The following GPC6 variants were observed in gnomAD, a reference collection of about 807,000 sequenced individuals.
GPC6 encodes the protein glypican-6.
In GPC6, 14 loss-of-function variants were observed where a neutral mutation model predicts 55.2. The observed-to-expected ratio is 0.25, with a 90% confidence interval of 0.17 to 0.40. The LOEUF (loss-of-function observed/expected upper bound fraction) is 0.40, where lower values mean the gene tolerates loss of function less well. Ranked by LOEUF, GPC6 falls within the 10% of genes least tolerant of loss-of-function variation. The pLI is 1.00. For synonymous variants in GPC6, 278 were observed against 259.6 expected (o/e 1.07, Z -0.68); for missense variants, 641 against 708.5 (o/e 0.90, Z 1.08).
intron 2 of GPC6, among the ~76,000 whole-genome samples, chr13:93,598,149 A>ATAATAG (rs1376403324): frequency 5.9e-5 from 9 of 152,066 alleles, no homozygotes; most frequent in African/African-American, 2.2e-4. Flanking sequence ...TCTCAAAATA[A>ATAATAG]TAATAATAAT....
rs373983311 is a variant in GPC6, at chr13:94,313,357, C to T, written c.1152+7234C>T. 3.9e-5 allele frequency among the ~76,000 whole-genome samples: 6 copies of T among 152,344 alleles called. No individual in the cohort carries two copies. The East Asian group carries it at 1.2e-3, about 29-fold the overall frequency. On this transcript the variant is annotated intron_variant, in intron 6 of 8. Coordinates refer to ENST00000377047, the MANE Select transcript of GPC6 (RefSeq NM_005708.5). ...TGCACTGTTGGAAACCTGGATGGAA[C>T]TCCTGCCCTTATGTGGATTTTTCAG...
chr13:93,899,035 A>G (rs1035259885), intron 3 of GPC6, among the ~76,000 whole-genome samples: 3 of 150,408 alleles, frequency 2.0e-5, no homozygotes, highest in Non-Finnish European at 4.4e-5. Flanking sequence ...CCCATCTTCT[A>G]GTTTATCAAC....
intron 2 of GPC6, among the ~76,000 whole-genome samples, chr13:93,690,708 C>A (rs929007861): frequency 1.3e-5 from 2 of 152,158 alleles, no homozygotes; most frequent in African/African-American, 4.8e-5. Flanking sequence ...CTATAAACTT[C>A]TGGTTGCCCA....
At chr13:94,313,796 A>G (rs1476748767) in intron 6 of GPC6, among the ~76,000 whole-genome samples, 3 of 152,236 alleles carry the variant, frequency 2.0e-5, no homozygotes, top group African/African-American at 7.2e-5. Context: ...GAAACACTTA[A>G]GCAAGAGCTT....
At chr13:93,921,179 G>C (rs932948334) in intron 3 of GPC6, among the ~76,000 whole-genome samples, 5 of 152,134 alleles carry the variant, frequency 3.3e-5, no homozygotes, top group Admixed American at 6.5e-5. Flanking sequence ...CTGTGGCAGG[G>C]GTGTGGGTCA....
intron 1 of GPC6, among the ~76,000 whole-genome samples, chr13:93,518,629 C>G (rs926594897): frequency 1.3e-5 from 2 of 151,932 alleles, no homozygotes; most frequent in Non-Finnish European, 2.9e-5. Flanking sequence ...ATAATGCCAG[C>G]AGAGGGAAGA....
rs116398437 is a variant in GPC6, at chr13:94,034,128, T to C, written c.877+6234T>C. Among the ~76,000 whole-genome samples the C allele has an allele frequency of 4.6e-3, 693 of 151,964 alleles. 8 individuals are homozygous for C. Among genetic ancestry groups the C allele is most frequent in the African/African-American group, 0.016 (664 of 41,456 alleles). ...TCTCATTTCTTGTGGGCATTTATCA[T>C]ATGTTGTGTTCTCATGTAATGCTGG... is the stretch of plus-strand genomic sequence containing the variant. On this transcript the variant is annotated intron_variant, in intron 4 of 8. Transcript: ENST00000377047.
intron 2 of GPC6, among the ~76,000 whole-genome samples, chr13:93,801,353 C>T (rs1886361869): frequency 1.3e-5 from 2 of 152,186 alleles, no homozygotes; most frequent in African/African-American, 4.8e-5. Flanking sequence ...CTTTGCTTCT[C>T]AAAAGGTGTA....
chr13:93,364,016 T>G (rs1594120507), intron 1 of GPC6, among the ~76,000 whole-genome samples: 1 of 152,128 alleles, frequency 6.6e-6, no homozygotes, highest in Non-Finnish European at 1.5e-5. Context: ...TTTGAGTTCA[T>G]TGTAGATTCT....
At chr13:94,057,481 G>C (rs1884170729) in intron 4 of GPC6, among the ~76,000 whole-genome samples, 1 of 152,096 alleles carries the variant, frequency 6.6e-6, no homozygotes, top group Admixed American at 6.6e-5. Context: ...CATTTCATTA[G>C]TTTGTTTAAA....
Position 93,663,485 on chromosome 13 carries a change from T to C in GPC6, c.319+118064T>C, listed in dbSNP as rs150087479. ...CTTAATTTTTGTGTTTACAGTCTTATTATATCCCCTTTCTGTCTGAGTAGA... is the reference window on the plus strand; with the variant it reads ...CTTAATTTTTGTGTTTACAGTCTTACTATATCCCCTTTCTGTCTGAGTAGA... On this transcript the variant is annotated intron_variant, in intron 2 of 8. Transcript: ENST00000377047. Among the ~76,000 whole-genome samples the C allele has an allele frequency of 1.4e-4, 21 of 152,338 alleles. No individual in the cohort carries two copies. In the East Asian group the frequency reaches 3.9e-3, roughly 28 times the overall value.
chr13:94,389,391 G>T (rs1481221083), intron 7 of GPC6, among the ~76,000 whole-genome samples: 2 of 152,112 alleles, frequency 1.3e-5, no homozygotes, highest in Non-Finnish European at 1.5e-5. Context: ...ATAGGAGGCA[G>T]GAAAGCATAG....
intron 2 of GPC6, among the ~76,000 whole-genome samples, chr13:93,734,751 G>T (rs1883939150): frequency 1.3e-5 from 2 of 152,024 alleles, no homozygotes; most frequent in African/African-American, 2.4e-5. Context: ...ATAACCAATT[G>T]CCTGATTATT....
intron 1 of GPC6, among the ~76,000 whole-genome samples, chr13:93,273,983 T>G (rs1417522774): frequency 6.6e-6 from 1 of 151,726 alleles, no homozygotes; most frequent in Admixed American, 6.6e-5. Context: ...AATTTTTGTA[T>G]TTTTAGTAGA....
intron 1 of GPC6, among the ~76,000 whole-genome samples, chr13:93,534,456 G>T (rs1339241575): frequency 6.6e-6 from 1 of 152,084 alleles, no homozygotes; most frequent in Non-Finnish European, 1.5e-5. Flanking sequence ...CACTTCTGAG[G>T]GCGGAGAGCT....
intron 5 of GPC6, among the ~76,000 whole-genome samples, chr13:94,304,853 G>A (rs1055889560): frequency 6.6e-6 from 1 of 152,148 alleles, no homozygotes; most frequent in Non-Finnish European, 1.5e-5. Flanking sequence ...AAAATTAGAG[G>A]AAGCTGTTAT....
At chr13:94,106,645 A>G (rs1220401175) in intron 4 of GPC6, among the ~76,000 whole-genome samples, 3 of 152,152 alleles carry the variant, frequency 2.0e-5, no homozygotes, top group East Asian at 3.9e-4. Context: ...AGAGTGCAGA[A>G]AAGAGTTGGA....
intron 3 of GPC6, among the ~76,000 whole-genome samples, chr13:93,868,934 A>T (rs1889048240): frequency 6.6e-6 from 1 of 151,738 alleles, no homozygotes; most frequent in African/African-American, 2.4e-5. Flanking sequence ...GTAGGAGGAG[A>T]GAAGTTCGGA....
At position 94,076,918 on chromosome 13, in the gene GPC6, T is replaced by G. The variant is rs562526718; in HGVS notation, c.877+49024T>G. ...TTTTGAAGTTAGGAAGTGTGATGCC[T>G]CCAGCTTTGTTCTTTTTCCTCAAGA... On this transcript the variant is annotated intron_variant, in intron 4 of 8. Transcript: ENST00000377047. Among the ~76,000 whole-genome samples the G allele has an allele frequency of 2.3e-3, 342 of 151,496 alleles. 4 individuals carry two copies. Among genetic ancestry groups the G allele is most frequent in the Middle Eastern group, 3.4e-3 (1 of 294 alleles).
Sources: gnomAD v4.1 joint callset for allele counts (sites outside exome capture counted in the v4.1 genomes callset) on GRCh38, gnomAD v4.1.1 for gene constraint, MANE v1.5 for transcripts, NCBI Gene and HGNC (gene_info 2026-07-23, HGNC 2026-07-21) for gene names.